SLC22A23: variants seen among roughly 807,000 people sequenced by gnomAD.
The protein encoded by SLC22A23 is solute carrier family 22 member 23, also known as ion transporter protein.
A neutral mutation model predicts 61.0 loss-of-function variants in SLC22A23; 26 were observed. The ratio of observed to expected loss-of-function variants is 0.43; its 90% CI spans 0.31 to 0.59. The LOEUF is 0.59. Among genes scored for constraint, SLC22A23 ranks in the 20% least tolerant of loss-of-function variants. SLC22A23 has a pLI of 0.11. For synonymous variants in SLC22A23, 430 were observed against 413.9 expected (o/e 1.04, Z -0.47); for missense variants, 796 against 934.7 (o/e 0.85, Z 1.94).
At chr6:3,315,090 A>G (rs1318463815) in intron 4 of SLC22A23, among the ~76,000 whole-genome samples, 1 of 152,120 alleles carries the variant, frequency 6.6e-6, no homozygotes, top group Non-Finnish European at 1.5e-5. Context: ...CATGCAAAAC[A>G]CACACATTAG....
intron 4 of SLC22A23, 61 bp downstream of exon 4, chr6:3,323,773 C>G (rs1469742092): frequency 3.2e-6 from 5 of 1,538,708 alleles, no homozygotes; most frequent in South Asian, 1.2e-5. Context: ...TGCCCGGGGC[C>G]GGGCCTTCAG....
intron 3 of SLC22A23, among the ~76,000 whole-genome samples, chr6:3,370,194 G>A (rs1203047536): frequency 2.0e-5 from 3 of 152,098 alleles, no homozygotes; most frequent in Admixed American, 1.3e-4. Flanking sequence ...AACAAAAAGA[G>A]GTTAGCCATA....
At chr6:3,396,974 C>T (rs1768051093) in intron 3 of SLC22A23, among the ~76,000 whole-genome samples, 1 of 152,214 alleles carries the variant, frequency 6.6e-6, no homozygotes, top group South Asian at 2.1e-4. Context: ...ACACAAGCTG[C>T]CTTCCGATGG....
intron 3 of SLC22A23, among the ~76,000 whole-genome samples, chr6:3,368,699 G>T (rs565458154): frequency 9.9e-5 from 15 of 152,266 alleles, no homozygotes; most frequent in African/African-American, 3.4e-4. Flanking sequence ...ATAGAATGGG[G>T]AATCATTAGC....
chr6:3,397,759 T>C (rs1021650148), intron 3 of SLC22A23, among the ~76,000 whole-genome samples: 2 of 152,134 alleles, frequency 1.3e-5, no homozygotes, highest in African/African-American at 4.8e-5. Flanking sequence ...CATGCACACA[T>C]GCTGAGGTGT....
Position 3,456,433 on chromosome 6 carries a change from C to G in SLC22A23, c.127G>C (p.Gly43Arg). 7.6e-7 allele frequency: 1 copy of G among 1,316,314 alleles called. No homozygotes were observed. The highest frequency in any genetic ancestry group is 3.1e-5 in the East Asian group (1 of 32,342). 81.5% of individuals were successfully genotyped at this position (1,316,314 alleles called of 1,614,324 possible). The part of the protein sequence containing the change: ...AASAPLGGRA[G>R]PGGGAEIQPL... ...TGGATCTCCGCGCCGCCGCCGGGGC[C>G]CGCGCGTCCCCCGAGGGGCGCCGAG... is the stretch of plus-strand genomic sequence containing the variant. Residue 43 changes from glycine to arginine, a missense_variant, in exon 1 of 10, where the codon GGC (glycine) becomes CGC (arginine). Physicochemically the swap from Gly to Arg is moderately radical, Grantham distance 125. Coordinates refer to ENST00000406686, the MANE Select transcript of SLC22A23 (RefSeq NM_015482.2). The surrounding 1 kb of genome is among the most constrained non-coding windows in gnomAD (Gnocchi z 7.1).
rs1020996353 is a variant in SLC22A23 at position 3,276,035 on chromosome 6, G to T, written c.1704-2623C>A. Reference sequence around the variant, plus strand: ...GGCCCTCATAAACCAGATATACACAGGTCTATGCTAATAACCCCAGGAAGA... The same window carrying T: ...GGCCCTCATAAACCAGATATACACATGTCTATGCTAATAACCCCAGGAAGA... On this transcript the variant is annotated intron_variant, in intron 9 of 9. Coordinates refer to ENST00000406686, the MANE Select transcript of SLC22A23 (RefSeq NM_015482.2). Among the ~76,000 whole-genome samples, 4 of 152,338 alleles carry T rather than the reference G, an allele frequency of 2.6e-5. No individual in the cohort carries two copies. The South Asian group carries it at 6.2e-4, about 24-fold the overall frequency.
intron 1 of SLC22A23, among the ~76,000 whole-genome samples, chr6:3,440,358 C>T (rs1771510097): frequency 6.6e-6 from 1 of 152,058 alleles, no homozygotes; most frequent in Non-Finnish European, 1.5e-5. Context: ...GTAGTAAGGT[C>T]AAATGCAGCT....
intron 4 of SLC22A23, among the ~76,000 whole-genome samples, chr6:3,307,661 G>C (rs1221241834): frequency 6.6e-6 from 1 of 152,210 alleles, no homozygotes; most frequent in East Asian, 1.9e-4. Context: ...CACGGTAGGT[G>C]CATGCTGAGC....
At chr6:3,358,117 G>C (rs1275117149) in intron 3 of SLC22A23, among the ~76,000 whole-genome samples, 2 of 152,152 alleles carry the variant, frequency 1.3e-5, no homozygotes, top group African/African-American at 4.8e-5. Context: ...AAACACTGTT[G>C]GTAGGGATGC....
chr6:3,293,117 C>T (rs1423441260), intron 5 of SLC22A23, among the ~76,000 whole-genome samples: 2 of 152,144 alleles, frequency 1.3e-5, no homozygotes, highest in Non-Finnish European at 2.9e-5. Context: ...AATTGGCTTG[C>T]GTGGGGGTAT....
chr6:3,442,593 A>G (rs1581899161), intron 1 of SLC22A23, among the ~76,000 whole-genome samples: 1 of 152,352 alleles, frequency 6.6e-6, no homozygotes, highest in East Asian at 1.9e-4. Flanking sequence ...TGCAAAAGGC[A>G]GCTTTTCATC....
chr6:3,321,938 C>T (rs1176727625), intron 4 of SLC22A23, among the ~76,000 whole-genome samples: 1 of 148,486 alleles, frequency 6.7e-6, no homozygotes, highest in Non-Finnish European at 1.5e-5. Flanking sequence ...GCCAGCATGA[C>T]CAGCTTTTGG....
rs187947159 is a variant in SLC22A23 at position 3,329,191 on chromosome 6, C to A, written c.914-5189G>T. 6.6e-6 allele frequency among the ~76,000 whole-genome samples: 1 copy of A among 152,082 alleles called. No individual in the cohort carries two copies. The highest frequency in any genetic ancestry group is 1.5e-5 in the Non-Finnish European group (1 of 68,004). On this transcript the variant is annotated intron_variant, in intron 3 of 9. Transcript: ENST00000406686. This position sits in a 1 kb window ranked among gnomAD's most constrained non-coding sequence, Gnocchi z 4.8. ...CCTCATCCCCCACAAACACACACAC[C>A]GATCTAACTGTTCATTGGATTCAGT...
chr6:3,295,748 C>T (rs1761033659), intron 5 of SLC22A23, among the ~76,000 whole-genome samples: 1 of 152,134 alleles, frequency 6.6e-6, no homozygotes, highest in African/African-American at 2.4e-5. Flanking sequence ...GCAGCCCTGC[C>T]AATCGTGCTG....
intron 3 of SLC22A23, among the ~76,000 whole-genome samples, chr6:3,403,180 T>C (rs1768549925): frequency 6.6e-6 from 1 of 151,962 alleles, no homozygotes; most frequent in Non-Finnish European, 1.5e-5. Context: ...GTTTTGCTTT[T>C]TTTTTTTTTA....
At position 3,395,017 on chromosome 6, in the gene SLC22A23, G is replaced by A. The variant is rs542326088; in HGVS notation, c.913+15171C>T. 1.1e-4 allele frequency among the ~76,000 whole-genome samples: 16 copies of A among 152,336 alleles called. 1 individual carries two copies. The South Asian group carries it at 2.5e-3, about 24-fold the overall frequency. ...CGGGCAGGTATGAGGCAGGGAGGAC[G>A]GGTCACCAAGGTGGGGCTGGGCTCC... On this transcript the variant is annotated intron_variant, in intron 3 of 9. Coordinates refer to ENST00000406686, the MANE Select transcript of SLC22A23 (RefSeq NM_015482.2).
rs1256603957 is a variant in SLC22A23 at position 3,327,383 on chromosome 6, G to C, written c.914-3381C>G. On this transcript the variant is annotated intron_variant, in intron 3 of 9. Coordinates refer to ENST00000406686, the MANE Select transcript of SLC22A23 (RefSeq NM_015482.2). The surrounding 1 kb of genome is among the most constrained non-coding windows in gnomAD (Gnocchi z 4.1). ...ATGGAACCAAACCCAAATCCTTTTAGTAGATTTTCATTCATGGGCAGCCAG... is the reference window on the plus strand; with the variant it reads ...ATGGAACCAAACCCAAATCCTTTTACTAGATTTTCATTCATGGGCAGCCAG... Among the ~76,000 whole-genome samples, 1 of 152,232 alleles carries C rather than the reference G, an allele frequency of 6.6e-6. No individual in the cohort carries two copies. The highest frequency in any genetic ancestry group is 1.9e-4 in the East Asian group (1 of 5,200).
chr6:3,283,685 G>T, intron 9 of SLC22A23, 167 bp downstream of exon 9: 2 of 1,185,782 alleles, frequency 1.7e-6, no homozygotes, highest in Non-Finnish European at 2.4e-6. Flanking sequence ...CCTCTTGGGC[G>T]CCTCGGGGTT....
Sources: gnomAD v4.1 joint callset for allele counts (sites outside exome capture counted in the v4.1 genomes callset) on GRCh38, gnomAD v4.1.1 for gene constraint, Gnocchi (gnomAD v3.1) non-coding constraint, MANE v1.5 for transcripts, NCBI Gene and HGNC (gene_info 2026-07-23, HGNC 2026-07-21) for gene names.